The following ABTB3 variants were observed in gnomAD, a reference collection of about 807,000 sequenced individuals.
ABTB3 encodes ankyrin repeat and BTB domain containing 3, also known as ankyrin repeat- and BTB/POZ domain-containing protein 3.
At chr12:107,593,930 G>C in the ABTB3 span, among the ~76,000 whole-genome samples, 1 of 152,186 alleles carries the variant, frequency 6.6e-6, no homozygotes, top group Non-Finnish European at 1.5e-5. Flanking sequence ...CCAGCACTTG[G>C]TCATATGCCC....
the ABTB3 span, chr12:107,520,359 A>G: frequency 6.1e-6 from 9 of 1,472,472 alleles, no homozygotes; most frequent in South Asian, 1.1e-4. Context: ...TGGTTCCTAC[A>G]TTGGCTTTCT....
chr12:107,448,622 G>GTTCTTTCTTTCT, the ABTB3 span, among the ~76,000 whole-genome samples: 1 of 151,454 alleles, frequency 6.6e-6, no homozygotes, highest in Non-Finnish European at 1.5e-5. Flanking sequence ...GAACCTGTAT[G>GTTCTTTCTTTCT]TTCTTTCTTT....
chr12:107,414,719 TTTC>T, the ABTB3 span, among the ~76,000 whole-genome samples: 77 of 149,290 alleles, frequency 5.2e-4, no homozygotes, highest in African/African-American at 1.8e-3. Flanking sequence ...TTCTTTTCTT[TTTC>T]TTTTTTTTTT....
the ABTB3 span, among the ~76,000 whole-genome samples, chr12:107,651,364 C>A: frequency 1.3e-5 from 2 of 152,172 alleles, no homozygotes; most frequent in Non-Finnish European, 2.9e-5. Context: ...GCTGATAATA[C>A]CCTGATTTTC....
chr12:107,434,289 T>C, the ABTB3 span, among the ~76,000 whole-genome samples: 1 of 152,182 alleles, frequency 6.6e-6, no homozygotes, highest in African/African-American at 2.4e-5. Flanking sequence ...CAAAGTGGGC[T>C]CTGGTGGCAC....
the ABTB3 span, among the ~76,000 whole-genome samples, chr12:107,521,239 G>T: frequency 6.7e-6 from 1 of 150,262 alleles, no homozygotes; most frequent in South Asian, 2.1e-4. Context: ...ACTGGCAGTC[G>T]CTGGTCACAT....
chr12:107,551,030 A>C, the ABTB3 span, among the ~76,000 whole-genome samples: 1 of 152,126 alleles, frequency 6.6e-6, no homozygotes, highest in African/African-American at 2.4e-5. Context: ...CAATGTAAGG[A>C]CTCCTTGGTC....
chr12:107,651,910 C>T, the ABTB3 span: 16 of 760,408 alleles, frequency 2.1e-5, no homozygotes, highest in African/African-American at 3.5e-5. Context: ...AGGGCTAAGC[C>T]GCTGGCCTCT....
the ABTB3 span, chr12:107,319,677 G>C: frequency 6.5e-7 from 1 of 1,536,214 alleles, no homozygotes; most frequent in Non-Finnish European, 8.7e-7. Flanking sequence ...AGCCTCTTCC[G>C]GGACATCTAC....
chr12:107,636,315 C>T, the ABTB3 span, among the ~76,000 whole-genome samples: 1 of 152,118 alleles, frequency 6.6e-6, no homozygotes, highest in Admixed American at 6.5e-5. Flanking sequence ...GAAACATGAG[C>T]CTTCTGTTGC....
the ABTB3 span, among the ~76,000 whole-genome samples, chr12:107,384,851 C>T: frequency 6.6e-6 from 1 of 152,180 alleles, no homozygotes; most frequent in Non-Finnish European, 1.5e-5. Context: ...GCCTCCACTG[C>T]AGGAGGCATT....
At chr12:107,337,084 C>T in the ABTB3 span, among the ~76,000 whole-genome samples, 15 of 152,284 alleles carry the variant, frequency 9.9e-5, no homozygotes, top group Non-Finnish European at 1.8e-4. Context: ...CATGAGATGG[C>T]ACCTCGTTCT....
At chr12:107,633,330 C>T in the ABTB3 span, among the ~76,000 whole-genome samples, 391 of 152,294 alleles carry the variant, frequency 2.6e-3, 6 homozygotes, top group East Asian at 0.041. Flanking sequence ...TCTTAGACTT[C>T]GTAGCCTCCA....
At chr12:107,515,817 A>G in the ABTB3 span, among the ~76,000 whole-genome samples, 43 of 152,260 alleles carry the variant, frequency 2.8e-4, no homozygotes, top group South Asian at 8.9e-3. Flanking sequence ...TGCCCAGGAA[A>G]TGGTGAATCT....
At chr12:107,410,876 G>A in the ABTB3 span, among the ~76,000 whole-genome samples, 1 of 152,162 alleles carries the variant, frequency 6.6e-6, no homozygotes, top group East Asian at 1.9e-4. Context: ...AGCTGCAGGT[G>A]GAATTTGGGG....
At chr12:107,535,872 T>A in the ABTB3 span, among the ~76,000 whole-genome samples, 16 of 152,150 alleles carry the variant, frequency 1.1e-4, no homozygotes, top group African/African-American at 3.6e-4. Flanking sequence ...AAAACACCAA[T>A]GACATTCTTC....
the ABTB3 span, among the ~76,000 whole-genome samples, chr12:107,603,333 T>A: frequency 2.0e-5 from 3 of 152,276 alleles, no homozygotes; most frequent in African/African-American, 7.2e-5. Context: ...TTACCTGCTC[T>A]AGTTCACTTG....
chr12:107,379,217 T>C, the ABTB3 span, among the ~76,000 whole-genome samples: 1 of 152,204 alleles, frequency 6.6e-6, no homozygotes, highest in African/African-American at 2.4e-5. Context: ...AAGGGCTCCA[T>C]AAATGGTCCT....
chr12:107,626,177 C>T, the ABTB3 span, among the ~76,000 whole-genome samples: 17 of 152,118 alleles, frequency 1.1e-4, no homozygotes, highest in Non-Finnish European at 2.1e-4. Flanking sequence ...GCCGCCTTCT[C>T]TCTACCTTTT....
Sources: allele counts gnomAD v4.1 joint callset (sites outside exome capture counted in the v4.1 genomes callset), GRCh38; gene constraint gnomAD v4.1.1; transcripts MANE v1.5; gene names NCBI Gene and HGNC (gene_info 2026-07-23, HGNC 2026-07-21).